The following VGLL4 variants were observed in gnomAD, a reference collection of about 807,000 sequenced individuals.
VGLL4 encodes transcription cofactor vestigial-like protein 4.
Under a neutral mutation model 21.0 loss-of-function variants are expected in VGLL4, and 7 were observed. The observed-to-expected ratio is 0.33, with a 90% CI of 0.19 to 0.63. The LOEUF (loss-of-function observed/expected upper bound fraction) is 0.63. VGLL4 is among the 20% of genes least tolerant of loss of function. The probability of loss-of-function intolerance (pLI) is 0.78; values close to 1 mark genes in which losing one functional copy is unlikely to be tolerated. For synonymous variants in VGLL4, 222 were observed against 173.2 expected (o/e 1.28, Z -2.21); for missense variants, 394 against 425.7 (o/e 0.93, Z 0.66).
intron 3 of VGLL4, 45 bp from the exon 4 acceptor site, chr3:11,559,500 C>G (rs1185735056): frequency 1.3e-6 from 2 of 1,502,126 alleles, no homozygotes; most frequent in Admixed American, 2.2e-5. Flanking sequence ...AGCTTCAGTA[C>G]CGGGCACCAC....
chr3:11,561,078 AG>A (rs1222777662), intron 3 of VGLL4, among the ~76,000 whole-genome samples: 3 of 152,050 alleles, frequency 2.0e-5, no homozygotes, highest in African/African-American at 7.2e-5. Flanking sequence ...AGAGATGGCC[AG>A]GCCCTTCCTG....
intron 2 of VGLL4, among the ~76,000 whole-genome samples, chr3:11,681,713 C>A (rs563866752): frequency 6.6e-6 from 1 of 152,308 alleles, no homozygotes; most frequent in African/African-American, 2.4e-5. Flanking sequence ...AAGGAAGGGG[C>A]CTACAGAGGC....
intron 2 of VGLL4, among the ~76,000 whole-genome samples, chr3:11,680,281 T>C: frequency 6.9e-6 from 1 of 144,466 alleles, no homozygotes; most frequent in Admixed American, 6.8e-5. Context: ...GGAGTATCCC[T>C]GCTATGCAAA....
intron 2 of VGLL4, among the ~76,000 whole-genome samples, chr3:11,594,874 G>A (rs555949795): frequency 2.0e-5 from 3 of 152,168 alleles, no homozygotes; most frequent in African/African-American, 4.8e-5. Flanking sequence ...TGAAAAACAC[G>A]AAGGCGGCCA....
rs758515127 is a variant in VGLL4, at chr3:11,558,788, C to T, written c.659G>A (p.Arg220His). ...CTTGTAATTCTTGCCCAGGCTCCTG[C>T]GGAAATGCTCCTCCACCACGGGGTC... Reference protein sequence around the residue: ...TCDPVVEEHFRRSLGKNYKEP... With the variant: ...TCDPVVEEHFHRSLGKNYKEP... Residue 220 changes from arginine to histidine, a missense_variant, in exon 5 of 5, where the codon CGC (arginine) becomes CAC (histidine). Physicochemically the swap from Arg to His is conservative, Grantham distance 29. Transcript: ENST00000430365. 7 of 1,613,712 alleles carry T rather than the reference C, an allele frequency of 4.3e-6. No homozygotes were observed. The highest frequency in any genetic ancestry group is 2.7e-5 in the African/African-American group (2 of 74,936).
chr3:11,602,133 A>G, intron 1 of VGLL4, 111 bp from the exon 2 acceptor site: 1 of 1,115,370 alleles, frequency 9.0e-7, no homozygotes, highest in Non-Finnish European at 1.2e-6. Context: ...CCCAGTGGAA[A>G]GTTTTTGGCA....
intron 1 of VGLL4, among the ~76,000 whole-genome samples, chr3:11,639,398 A>G (rs1575482862): frequency 6.6e-6 from 1 of 152,118 alleles, no homozygotes; most frequent in Non-Finnish European, 1.5e-5. Flanking sequence ...GAGGTGTCTC[A>G]CCTACCCTTT....
chr3:11,715,219 T>C (rs2076904213), intron 1 of VGLL4, among the ~76,000 whole-genome samples: 1 of 152,150 alleles, frequency 6.6e-6, no homozygotes, highest in South Asian at 2.1e-4. Context: ...CTCTCCATTG[T>C]TCCAAAATAA....
At chr3:11,632,006 TC>T (rs1267456800) in intron 1 of VGLL4, among the ~76,000 whole-genome samples, 1 of 152,128 alleles carries the variant, frequency 6.6e-6, no homozygotes, top group East Asian at 1.9e-4. Context: ...AACTAATCCA[TC>T]AATTTCTTAA....
chr3:11,684,817 T>C (rs2076423435), intron 2 of VGLL4, among the ~76,000 whole-genome samples: 1 of 152,122 alleles, frequency 6.6e-6, no homozygotes, highest in African/African-American at 2.4e-5. Context: ...CTTTTCCGTT[T>C]GTTTGCTTTT....
At chr3:11,670,275 A>T (rs1469181532) in intron 2 of VGLL4, among the ~76,000 whole-genome samples, 1 of 152,184 alleles carries the variant, frequency 6.6e-6, no homozygotes, top group Non-Finnish European at 1.5e-5. Context: ...ATGGAAAGAA[A>T]ACTGAAGTCT....
chr3:11,627,423 A>G (rs540493843), intron 1 of VGLL4: 1 of 151,838 alleles, frequency 6.6e-6, no homozygotes, highest in East Asian at 1.9e-4. Context: ...ACTAAAAAAA[A>G]AGAAAAATTA....
chr3:11,566,640 C>A (rs2616534), intron 2 of VGLL4, among the ~76,000 whole-genome samples: 122,682 of 152,056 alleles, frequency 0.81, 49,610 homozygotes, highest in East Asian at 0.9. Flanking sequence ...CGGCCACTCT[C>A]TGCCTCTGTG....
intron 2 of VGLL4, among the ~76,000 whole-genome samples, chr3:11,578,611 G>T (rs1487749290): frequency 6.7e-6 from 1 of 149,032 alleles, no homozygotes; most frequent in Non-Finnish European, 1.5e-5. Flanking sequence ...AAAAAAAAAA[G>T]TAATAATAAT....
chr3:11,566,772 C>T (rs530494934), intron 2 of VGLL4, among the ~76,000 whole-genome samples: 17 of 152,272 alleles, frequency 1.1e-4, no homozygotes, highest in African/African-American at 3.6e-4. Context: ...CATCCCCCAC[C>T]GTCAATGATC....
At chr3:11,624,007 GC>G (rs1489996783) in intron 1 of VGLL4, among the ~76,000 whole-genome samples, 12 of 152,224 alleles carry the variant, frequency 7.9e-5, no homozygotes, top group South Asian at 2.1e-4. Flanking sequence ...CTCCCAAAGT[GC>G]TGGGATTACA....
intron 1 of VGLL4, among the ~76,000 whole-genome samples, chr3:11,637,882 G>A: frequency 6.6e-6 from 1 of 152,144 alleles, no homozygotes. Context: ...AAACTGTTTT[G>A]GAATACAATG....
At chr3:11,712,663 C>T (rs569761325) in intron 1 of VGLL4, among the ~76,000 whole-genome samples, 5 of 152,128 alleles carry the variant, frequency 3.3e-5, no homozygotes, top group African/African-American at 1.2e-4. Context: ...CCCTCCAATG[C>T]TATTTTTACT....
Position 11,665,942 on chromosome 3 carries a change from TC to T in VGLL4, c.64+37028del, listed in dbSNP as rs1158967461. Among the ~76,000 whole-genome samples the T allele has an allele frequency of 1.1e-4, 16 of 152,206 alleles. No individual in the cohort carries two copies. The East Asian group carries it at 2.9e-3, about 28-fold the overall frequency. ...GTGACGACAGGAAGGGAGGACACAA[TC>T]CCCGAGGATTAGAAAGTTCATTCTG... On this transcript the variant is annotated intron_variant, in intron 2 of 5. Transcript: ENST00000273038.
Sources: gnomAD v4.1 joint callset for allele counts (sites outside exome capture counted in the v4.1 genomes callset) on GRCh38, gnomAD v4.1.1 for gene constraint, MANE v1.5 for transcripts, NCBI Gene and HGNC (gene_info 2026-07-23, HGNC 2026-07-21) for gene names.